The following AFF3 variants were observed in gnomAD, a reference collection of about 807,000 sequenced individuals.
AFF3 encodes ALF transcription elongation factor 3, also known as AF4/FMR2 family member 3.
Under a neutral mutation model 129.7 loss-of-function variants are expected in AFF3, and 32 were observed. The ratio of observed to expected loss-of-function variants is 0.25; its 90% CI spans 0.19 to 0.33. The LOEUF is 0.33. AFF3 is among the 10% of genes least tolerant of loss of function. AFF3 has a pLI of 1.00. For synonymous variants in AFF3, 644 were observed against 635.4 expected, an observed-to-expected ratio of 1.01 and a Z score of -0.20; for missense variants, 1,373 against 1,592.0, an observed-to-expected ratio of 0.86 and a Z score of 2.34.
chr2:99,620,492 G>A (rs1339112130), intron 13 of AFF3, among the ~76,000 whole-genome samples: 1 of 152,094 alleles, frequency 6.6e-6, no homozygotes, highest in South Asian at 2.1e-4. Context: ...TGCCAGGGGT[G>A]GTGGTGCACA....
rs559528488 is a variant in AFF3, at chr2:99,812,764, A to G, written c.921+24713T>C. ...TTCATCTTTTATTCAGCTGTTTAAA[A>G]GCAGAACATCTAATTACAGTTCCTA... On this transcript the variant is annotated intron_variant, in intron 8 of 24. Transcript: ENST00000672756. Among the ~76,000 whole-genome samples, 3 of 152,346 alleles carry G rather than the reference A, an allele frequency of 2.0e-5. No individual in the cohort carries two copies. In the East Asian group the frequency reaches 5.8e-4, roughly 29 times the overall value.
At chr2:99,879,624 G>A (rs1040780753) in intron 7 of AFF3, among the ~76,000 whole-genome samples, 1 of 152,140 alleles carries the variant, frequency 6.6e-6, no homozygotes, top group African/African-American at 2.4e-5. Flanking sequence ...ATAAAAGAAT[G>A]GTCCTTATAC....
intron 8 of AFF3, among the ~76,000 whole-genome samples, chr2:99,833,646 A>AC (rs1688662271): frequency 6.6e-6 from 1 of 152,028 alleles, no homozygotes; most frequent in Non-Finnish European, 1.5e-5. Flanking sequence ...CCAGCCCAGC[A>AC]CCCCCACCCA....
chr2:100,134,529 T>G (rs1692554412), intron 1 of AFF3, among the ~76,000 whole-genome samples: 1 of 152,222 alleles, frequency 6.6e-6, no homozygotes, highest in Admixed American at 6.5e-5. Flanking sequence ...TATTTTCATT[T>G]ATACTTTATT....
chr2:99,812,738 T>G (rs1686893947), intron 8 of AFF3, among the ~76,000 whole-genome samples: 1 of 152,230 alleles, frequency 6.6e-6, no homozygotes, highest in African/African-American at 2.4e-5. Context: ...TTCTATATGA[T>G]TTCATCTTTT....
rs140107949 is a variant in AFF3, at chr2:99,934,003, G to T, written c.873+72629C>A. Among the ~76,000 whole-genome samples the T allele has an allele frequency of 2.1e-3, 324 of 152,252 alleles. 2 individuals carry two copies. The highest frequency in any genetic ancestry group is 6.6e-3 in the African/African-American group (274 of 41,538). ...GCATAATATCCACCATGCATTACAG[G>T]CTTTGGAGGTAGCACCAGCATCTCT... On this transcript the variant is annotated intron_variant, in intron 7 of 24. Transcript: ENST00000672756.
intron 7 of AFF3, among the ~76,000 whole-genome samples, chr2:99,967,114 C>A (rs1197181878): frequency 6.6e-6 from 1 of 152,102 alleles, no homozygotes; most frequent in East Asian, 1.9e-4. Context: ...ACAATTCTCA[C>A]CCCAGCCCTT....
chr2:99,661,474 T>G (rs1195844414), intron 12 of AFF3, among the ~76,000 whole-genome samples: 2 of 152,246 alleles, frequency 1.3e-5, no homozygotes, highest in Non-Finnish European at 2.9e-5. Context: ...TGATGGATCA[T>G]GTTTTGGTTT....
chr2:99,695,635 A>G (rs1311895297), intron 11 of AFF3, among the ~76,000 whole-genome samples: 1 of 152,188 alleles, frequency 6.6e-6, no homozygotes, highest in Non-Finnish European at 1.5e-5. Flanking sequence ...GCCCTTCCCT[A>G]CTTTGCTGTG....
At chr2:99,949,409 G>A (rs139693497) in intron 7 of AFF3, among the ~76,000 whole-genome samples, 1 of 152,000 alleles carries the variant, frequency 6.6e-6, no homozygotes, top group African/African-American at 2.4e-5. Context: ...TGGAGAGCAG[G>A]GGGGAGGATG....
chr2:99,550,566 C>A lies in AFF3; in HGVS notation c.*908G>T, dbSNP rs1259557491. The A allele has an allele frequency of 8.6e-6, 2 of 232,672 alleles. No individual in the cohort carries two copies. Among genetic ancestry groups the A allele is most frequent in the Non-Finnish European group, 1.7e-5 (2 of 117,758 alleles). 14.4% of individuals were successfully genotyped at this position (232,672 alleles called of 1,614,324 possible). On this transcript the variant is annotated 3_prime_UTR_variant, in exon 25 of 25. Transcript: ENST00000672756. ...AGATTGGCTGACAAATGCCATGTGG[C>A]TCTACAGCCACCGAGTCACAGTGGC...
intron 10 of AFF3, 71 bp from the exon 11 acceptor site, chr2:99,727,199 T>C (rs1679432993): frequency 7.3e-7 from 1 of 1,373,200 alleles, no homozygotes; most frequent in African/African-American, 1.5e-5. Context: ...AGAGATTAAA[T>C]ATATTTCCAT....
At chr2:99,778,641 T>A (rs1393181415) in intron 8 of AFF3, among the ~76,000 whole-genome samples, 2 of 152,338 alleles carry the variant, frequency 1.3e-5, no homozygotes, top group African/African-American at 4.8e-5. Context: ...TCTACTTTTT[T>A]AAGTTTTAAT....
At chr2:100,083,685 T>G (rs1198967149) in intron 4 of AFF3, among the ~76,000 whole-genome samples, 6 of 152,080 alleles carry the variant, frequency 3.9e-5, no homozygotes, top group Non-Finnish European at 5.9e-5. Flanking sequence ...TGATGAAAGC[T>G]GTAGGCTGTC....
chr2:99,652,430 T>C (rs1478346911), intron 12 of AFF3, among the ~76,000 whole-genome samples: 3 of 152,108 alleles, frequency 2.0e-5, no homozygotes, highest in Non-Finnish European at 4.4e-5. Flanking sequence ...AATGAAGAAT[T>C]GTCCCCTTAA....
intron 11 of AFF3, among the ~76,000 whole-genome samples, chr2:99,680,623 T>C (rs1165595701): frequency 6.6e-6 from 1 of 152,212 alleles, no homozygotes; most frequent in Non-Finnish European, 1.5e-5. Flanking sequence ...ATAAGTAAGT[T>C]AGCTGCCTAT....
rs915543321 is a variant in AFF3 at position 99,767,733 on chromosome 2, G to A, written c.922-15432C>T. 4.6e-5 allele frequency among the ~76,000 whole-genome samples: 7 copies of A among 152,264 alleles called. No individual in the cohort carries two copies. In the East Asian group the frequency reaches 5.8e-4, roughly 13 times the overall value. ...AGCACTTTGGGAGGCCGAGGCGGGC[G>A]GATCACGAGGTCAGGAGATTGAGAC... is the stretch of plus-strand genomic sequence containing the variant. On this transcript the variant is annotated intron_variant, in intron 8 of 24. Coordinates refer to ENST00000672756, the MANE Select transcript of AFF3 (RefSeq NM_001386135.1).
At chr2:99,859,264 T>C (rs1690786265) in intron 7 of AFF3, among the ~76,000 whole-genome samples, 1 of 152,232 alleles carries the variant, frequency 6.6e-6, no homozygotes, top group African/African-American at 2.4e-5. Flanking sequence ...TCTGCAGACA[T>C]GCCACTCTAC....
chr2:99,551,004 G>T lies in AFF3; in HGVS notation c.*470C>A, dbSNP rs1050921051. On this transcript the variant is annotated 3_prime_UTR_variant, in exon 25 of 25. Transcript: ENST00000672756. ...AAAGTAATCAACAGTATAAGAGCAG[G>T]TCCATCTTCACTGGCAGTCAAGCTT... 4.0e-5 allele frequency: 16 copies of T among 396,714 alleles called. No homozygotes were observed. Among genetic ancestry groups the T allele is most frequent in the African/African-American group, 2.4e-4 (12 of 48,990 alleles). The allele number at this position is 396,714 out of a possible 1,614,324, so 24.6% of individuals were successfully genotyped here.
Sources: allele counts gnomAD v4.1 joint callset (sites outside exome capture counted in the v4.1 genomes callset), GRCh38; gene constraint gnomAD v4.1.1; transcripts MANE v1.5; gene names NCBI Gene and HGNC (gene_info 2026-07-23, HGNC 2026-07-21).